Variants in SLAIN2 observed in about 807,000 individuals in gnomAD.
SLAIN2 encodes the protein SLAIN family member 2.
A neutral mutation model predicts 56.6 loss-of-function variants in SLAIN2; 31 were observed. That is an observed-to-expected ratio of 0.55 (90% CI 0.41 to 0.74). The LOEUF is 0.74. SLAIN2 is among the 30% of genes least tolerant of loss of function. The pLI is 0.00. For synonymous variants in SLAIN2, 317 were observed against 284.9 expected (o/e 1.11, Z -1.13); for missense variants, 777 against 754.2 (o/e 1.03, Z -0.35).
At chr4:48,390,098 T>C (rs1363645000) in intron 6 of SLAIN2, among the ~76,000 whole-genome samples, 6 of 150,796 alleles carry the variant, frequency 4.0e-5, no homozygotes, top group South Asian at 2.1e-4. Flanking sequence ...TTTTTTTTTT[T>C]CCTGAGACTC....
intron 6 of SLAIN2, among the ~76,000 whole-genome samples, chr4:48,397,376 A>G (rs1716427913): frequency 6.6e-6 from 1 of 152,190 alleles, no homozygotes. Context: ...AAGGAAATAC[A>G]GAAGGAAAGA....
At chr4:48,414,828 G>T (rs866701434) in intron 6 of SLAIN2, among the ~76,000 whole-genome samples, 8 of 47,984 alleles carry the variant, frequency 1.7e-4, no homozygotes, top group Non-Finnish European at 2.8e-4. Flanking sequence ...TTGTTCTTGC[G>T]ATAGTTTACT....
Position 48,424,653 on chromosome 4 carries a change from C to G in SLAIN2, c.*2576C>G, listed in dbSNP as rs1717251871. The G allele has an allele frequency of 6.6e-6, 1 of 151,988 alleles. No individual in the cohort carries two copies. The highest frequency in any genetic ancestry group is 1.5e-5 in the Non-Finnish European group (1 of 68,000). The allele number at this position is 151,988 out of a possible 1,614,324, so 9.4% of individuals were successfully genotyped here. A position where few individuals can be genotyped will look rare whatever the true frequency, so the allele number is the denominator to read the frequency against. On this transcript the variant is annotated 3_prime_UTR_variant, in exon 8 of 8. Transcript: ENST00000264313. ...TTGTTTGTACAATATAAAACACTCTCTGAAGAGTTGACTTTTTTTCAGTTT... is the reference window on the plus strand; with the variant it reads ...TTGTTTGTACAATATAAAACACTCTGTGAAGAGTTGACTTTTTTTCAGTTT...
Position 48,341,868 on chromosome 4 carries a change from C to T in SLAIN2, c.129C>T (p.Ser43=), listed in dbSNP as rs1439126548. ...SRSGAVQGAG[S]LGPGSPVRAG... The stretch of plus-strand genomic sequence containing the variant: ...CGGGGGCCGTGCAGGGCGCCGGCTC[C>T]CTTGGGCCCGGCAGCCCGGTTCGGG... Residue 43 remains serine, a synonymous_variant, in exon 1 of 8, where the codon TCC becomes TCT. Transcript: ENST00000264313. The T allele has an allele frequency of 6.6e-7, 1 of 1,519,796 alleles. No homozygotes were observed. Among genetic ancestry groups the T allele is most frequent in the Non-Finnish European group, 8.8e-7 (1 of 1,134,390 alleles). The allele number at this position is 1,519,796 out of a possible 1,614,324, so 94.1% of individuals were successfully genotyped here.
intron 6 of SLAIN2, among the ~76,000 whole-genome samples, chr4:48,390,280 T>C (rs1384578068): frequency 1.3e-5 from 2 of 151,988 alleles, no homozygotes; most frequent in Non-Finnish European, 2.9e-5. Flanking sequence ...AGTTTCACCA[T>C]GTTGGCTAGG....
chr4:48,418,066 T>G (rs2109789576), intron 6 of SLAIN2, among the ~76,000 whole-genome samples: 1 of 140,538 alleles, frequency 7.1e-6, no homozygotes, highest in African/African-American at 2.6e-5. Flanking sequence ...CTGTGCCTTT[T>G]ATTATTATTT....
chr4:48,376,003 T>C (rs1278640585), intron 2 of SLAIN2, among the ~76,000 whole-genome samples: 1 of 152,250 alleles, frequency 6.6e-6, no homozygotes, highest in Admixed American at 6.5e-5. Flanking sequence ...ATGATAGTAC[T>C]CATTTCATTT....
At chr4:48,420,985 TTTG>T (rs776360420) in intron 7 of SLAIN2, among the ~76,000 whole-genome samples, 1 of 151,930 alleles carries the variant, frequency 6.6e-6, no homozygotes, top group Non-Finnish European at 1.5e-5. Flanking sequence ...TGCTAGGTAT[TTTG>T]TTGTTGTTTT....
At chr4:48,361,625 T>C (rs1715329881) in intron 1 of SLAIN2, among the ~76,000 whole-genome samples, 1 of 90,640 alleles carries the variant, frequency 1.1e-5, no homozygotes, top group Non-Finnish European at 3.1e-5. Context: ...ATTAAAAAGA[T>C]TTTTTTTTTC....
chr4:48,421,013 T>C (rs567666860), intron 7 of SLAIN2, among the ~76,000 whole-genome samples: 29 of 151,442 alleles, frequency 1.9e-4, no homozygotes, highest in African/African-American at 6.5e-4. Flanking sequence ...TTTGTTTTTG[T>C]TTTTGTTTTG....
chr4:48,412,481 T>A (rs1380750397), intron 6 of SLAIN2, among the ~76,000 whole-genome samples: 1 of 143,186 alleles, frequency 7.0e-6, no homozygotes, highest in Non-Finnish European at 1.6e-5. Context: ...AGGTTTTCAG[T>A]TGAATAAACA....
intron 1 of SLAIN2, among the ~76,000 whole-genome samples, chr4:48,345,606 A>G (rs746499384): frequency 3.3e-5 from 5 of 152,168 alleles, no homozygotes; most frequent in Non-Finnish European, 7.3e-5. Flanking sequence ...ATAAGATGTT[A>G]AACTGTGTCT....
At chr4:48,398,478 G>T (rs760949590) in intron 6 of SLAIN2, among the ~76,000 whole-genome samples, 8 of 152,106 alleles carry the variant, frequency 5.3e-5, no homozygotes, top group Non-Finnish European at 8.8e-5. Flanking sequence ...TTCTTTTGCT[G>T]TGCAGAAGCT....
At position 48,411,603 on chromosome 4, in the gene SLAIN2, G is replaced by GTT. The variant is rs3072284; in HGVS notation, c.1361-8511_1361-8510dup. Among the ~76,000 whole-genome samples, 471 of 148,222 alleles carry GTT rather than the reference G, an allele frequency of 3.2e-3. 2 individuals are homozygous for GTT. Among genetic ancestry groups the GTT allele is most frequent in the African/African-American group, 0.011 (434 of 40,340 alleles). On this transcript the variant is annotated intron_variant, in intron 6 of 7. Transcript: ENST00000264313. ...CTGCTCTATTTGGATTATCTTCTGA[G>GTT]TTTTTTTTTTTTCCTTAGCATGAAG... is the stretch of plus-strand genomic sequence containing the variant.
At chr4:48,411,494 A>G (rs6447634) in intron 6 of SLAIN2, among the ~76,000 whole-genome samples, 91,856 of 151,886 alleles carry the variant, frequency 0.6, 28,082 homozygotes, top group South Asian at 0.71. Flanking sequence ...TTTGTACGTG[A>G]ATATCCAGTT....
chr4:48,377,465 C>T (rs904581416), intron 2 of SLAIN2, among the ~76,000 whole-genome samples: 1 of 151,720 alleles, frequency 6.6e-6, no homozygotes, highest in Non-Finnish European at 1.5e-5. Flanking sequence ...AGGCATGAGC[C>T]ACCGTGCCTG....
chr4:48,386,276 G>A lies in SLAIN2; in HGVS notation c.1360+2492G>A, dbSNP rs917874234. 3.3e-5 allele frequency among the ~76,000 whole-genome samples: 5 copies of A among 152,048 alleles called. No individual in the cohort carries two copies. The East Asian group carries it at 7.7e-4, about 23-fold the overall frequency. On this transcript the variant is annotated intron_variant, in intron 6 of 7. Transcript: ENST00000264313. ...TAGAACAATTCTATGAAGGAGGTAC[G>A]ATTATTACCACATTTTACAGATTAG...
intron 6 of SLAIN2, among the ~76,000 whole-genome samples, chr4:48,419,056 G>T (rs141997839): frequency 2.2e-3 from 326 of 151,370 alleles, no homozygotes; most frequent in Non-Finnish European, 3.4e-3. Flanking sequence ...GTCTTTGGCT[G>T]TTACAAAGTT....
At chr4:48,414,026 A>G (rs1280075395) in intron 6 of SLAIN2, among the ~76,000 whole-genome samples, 1 of 152,184 alleles carries the variant, frequency 6.6e-6, no homozygotes, top group East Asian at 1.9e-4. Context: ...AAGAAAAAAT[A>G]TTTTAAGATA....
Sources: allele counts gnomAD v4.1 joint callset (sites outside exome capture counted in the v4.1 genomes callset), GRCh38; gene constraint gnomAD v4.1.1; transcripts MANE v1.5; gene names NCBI Gene and HGNC (gene_info 2026-07-23, HGNC 2026-07-21).